PLA2G4A: variants seen among roughly 807,000 people sequenced by gnomAD.
PLA2G4A encodes the protein cytosolic phospholipase A2.
A neutral mutation model predicts 81.9 loss-of-function variants in PLA2G4A; 40 were observed. The observed-to-expected ratio is 0.49, with a 90% CI of 0.38 to 0.64. PLA2G4A has a LOEUF of 0.64. PLA2G4A is among the 30% of genes least tolerant of loss of function. The pLI is 0.00. For synonymous variants in PLA2G4A, 302 were observed against 296.9 expected, an observed-to-expected ratio of 1.02 and a Z score of -0.18; for missense variants, 715 against 905.1, an observed-to-expected ratio of 0.79 and a Z score of 2.69.
chr1:186,979,210 G>A (rs1657635241), intron 16 of PLA2G4A, 105 bp from the exon 17 acceptor site: 2 of 821,078 alleles, frequency 2.4e-6, no homozygotes, highest in African/African-American at 3.4e-5. Context: ...TGGCTCTGTG[G>A]GGACTCCCAC....
intron 14 of PLA2G4A, among the ~76,000 whole-genome samples, chr1:186,959,350 T>TATCA (rs1557892635): frequency 3.9e-5 from 6 of 151,972 alleles, no homozygotes; most frequent in African/African-American, 1.4e-4. Flanking sequence ...TAAGGAAATA[T>TATCA]ATCATCCCCA....
At chr1:186,980,803 A>G (rs1657696501) in intron 17 of PLA2G4A, among the ~76,000 whole-genome samples, 1 of 152,142 alleles carries the variant, frequency 6.6e-6, no homozygotes, top group Non-Finnish European at 1.5e-5. Flanking sequence ...AATTTTCCCC[A>G]ATAAGCCTTG....
intron 3 of PLA2G4A, among the ~76,000 whole-genome samples, chr1:186,890,711 G>T (rs770782091): frequency 6.6e-6 from 1 of 151,992 alleles, no homozygotes; most frequent in Admixed American, 6.6e-5. Flanking sequence ...AAAATTAGCC[G>T]GGCATAGTGG....
intron 14 of PLA2G4A, 29 bp from the exon 15 acceptor site, chr1:186,965,380 C>T: frequency 1.4e-6 from 2 of 1,463,786 alleles, no homozygotes; most frequent in Non-Finnish European, 1.9e-6. Flanking sequence ...TCATTTAATT[C>T]ATTCTTGTTT....
intron 7 of PLA2G4A, 91 bp downstream of exon 7, chr1:186,911,480 T>C (rs1654940606): frequency 1.1e-6 from 1 of 930,206 alleles, no homozygotes; most frequent in South Asian, 1.3e-5. Flanking sequence ...TATGGCAATA[T>C]TGAGATTGAG....
intron 5 of PLA2G4A, among the ~76,000 whole-genome samples, chr1:186,895,029 T>C (rs1654285886): frequency 6.6e-6 from 1 of 152,166 alleles, no homozygotes; most frequent in Admixed American, 6.5e-5. Flanking sequence ...TACCTCTCCC[T>C]TAACTCTCAG....
intron 15 of PLA2G4A, among the ~76,000 whole-genome samples, chr1:186,974,159 T>C (rs1657452877): frequency 6.6e-6 from 1 of 152,122 alleles, no homozygotes; most frequent in South Asian, 2.1e-4. Context: ...ATATATATGC[T>C]ATCATACTGT....
At chr1:186,901,936 A>T (rs569131517) in intron 5 of PLA2G4A, among the ~76,000 whole-genome samples, 2 of 152,314 alleles carry the variant, frequency 1.3e-5, no homozygotes, top group Admixed American at 1.3e-4. Flanking sequence ...TAAAAATATT[A>T]TGTGTAGCTA....
chr1:186,950,618 C>A, intron 12 of PLA2G4A, 39 bp from the exon 13 acceptor site: 1 of 1,076,244 alleles, frequency 9.3e-7, no homozygotes, highest in Non-Finnish European at 1.4e-6. Flanking sequence ...TTAATTTTGA[C>A]ACCTGAAATG....
At chr1:186,902,154 GGTAA>G (rs1287841021) in intron 5 of PLA2G4A, among the ~76,000 whole-genome samples, 7 of 151,984 alleles carry the variant, frequency 4.6e-5, no homozygotes, top group Admixed American at 2.6e-4. Context: ...GCAGCACAAT[GGTAA>G]GTATTTGCAT....
chr1:186,972,612 G>A (rs889417420), intron 15 of PLA2G4A, among the ~76,000 whole-genome samples: 8 of 152,266 alleles, frequency 5.3e-5, no homozygotes, highest in African/African-American at 9.6e-5. Flanking sequence ...GTTGCCATAC[G>A]TTGGACATAA....
chr1:186,939,962 T>C lies in PLA2G4A; in HGVS notation c.919-18T>C. 1 of 1,136,346 alleles carries C rather than the reference T, an allele frequency of 8.8e-7. No individual in the cohort carries two copies. Among genetic ancestry groups the C allele is most frequent in the Non-Finnish European group, 1.3e-6 (1 of 743,760 alleles). 70.4% of individuals were successfully genotyped at this position (1,136,346 alleles called of 1,614,324 possible). ...GTTTATAAATTTAAAGTCATCTTTTTCTTTCTTCTGTGGACAGAGAATGAA... is the reference window on the plus strand; with the variant it reads ...GTTTATAAATTTAAAGTCATCTTTTCCTTTCTTCTGTGGACAGAGAATGAA... On this transcript the variant is annotated intron_variant, in intron 9 of 17. Transcript: ENST00000367466.
At chr1:186,856,580 C>T (rs946536053) in intron 2 of PLA2G4A, among the ~76,000 whole-genome samples, 3 of 151,580 alleles carry the variant, frequency 2.0e-5, no homozygotes, top group East Asian at 3.9e-4. Flanking sequence ...TTAATAGAGA[C>T]GGAGTTTTGC....
At chr1:186,924,299 A>G (rs1369614843) in intron 7 of PLA2G4A, among the ~76,000 whole-genome samples, 4 of 152,184 alleles carry the variant, frequency 2.6e-5, no homozygotes, top group Non-Finnish European at 4.4e-5. Context: ...AACGTCTCCA[A>G]CATTTTCTAT....
At chr1:186,954,243 T>C (rs1656663590) in intron 13 of PLA2G4A, among the ~76,000 whole-genome samples, 1 of 152,146 alleles carries the variant, frequency 6.6e-6, no homozygotes, top group Admixed American at 6.5e-5. Flanking sequence ...ATATATACCA[T>C]GGAATACTAT....
intron 10 of PLA2G4A, among the ~76,000 whole-genome samples, chr1:186,944,679 A>G (rs1656275014): frequency 6.6e-6 from 1 of 152,216 alleles, no homozygotes; most frequent in Non-Finnish European, 1.5e-5. Flanking sequence ...GTGACCTACC[A>G]TTGAACAAAC....
At chr1:186,981,610 C>T (rs912004651) in intron 17 of PLA2G4A, among the ~76,000 whole-genome samples, 2 of 152,084 alleles carry the variant, frequency 1.3e-5, no homozygotes, top group Admixed American at 1.3e-4. Context: ...TTTAAGTGTA[C>T]AGTTTAGTGG....
chr1:186,950,390 T>C (rs973286426), intron 12 of PLA2G4A, among the ~76,000 whole-genome samples: 12 of 152,254 alleles, frequency 7.9e-5, no homozygotes, highest in African/African-American at 2.9e-4. Flanking sequence ...TTGTCAGAAT[T>C]ATGATAAACA....
At chr1:186,845,630 C>G (rs768811555) in intron 1 of PLA2G4A, among the ~76,000 whole-genome samples, 4 of 152,022 alleles carry the variant, frequency 2.6e-5, no homozygotes, top group Non-Finnish European at 5.9e-5. Context: ...TCCCTCTTCC[C>G]GCCACATGCC....
Sources: allele counts gnomAD v4.1 joint callset (sites outside exome capture counted in the v4.1 genomes callset), GRCh38; gene constraint gnomAD v4.1.1; transcripts MANE v1.5; gene names NCBI Gene and HGNC (gene_info 2026-07-23, HGNC 2026-07-21).